The following DTNB variants were observed in gnomAD, a reference collection of about 807,000 sequenced individuals.
DTNB encodes dystrobrevin beta, also known as DTN-B.
Under a neutral mutation model 90.7 loss-of-function variants are expected in DTNB, and 63 were observed. The ratio of observed to expected loss-of-function variants is 0.69; its 90% confidence interval spans 0.57 to 0.86. The LOEUF (loss-of-function observed/expected upper bound fraction) is 0.86, where lower values mean the gene tolerates loss of function less well. Among genes scored for constraint, DTNB ranks in the 40% least tolerant of loss-of-function variants. The pLI, the probability that DTNB is intolerant of heterozygous loss-of-function variation, is 0.00. For missense variants in DTNB, 744 were observed against 807.1 expected (o/e 0.92, Z 0.95); for synonymous variants, 277 against 286.7 (o/e 0.97, Z 0.34).
chr2:25,388,863 T>A (rs2040303846), intron 16 of DTNB, among the ~76,000 whole-genome samples: 1 of 151,866 alleles, frequency 6.6e-6, no homozygotes, highest in African/African-American at 2.4e-5. Flanking sequence ...TATATCTTTT[T>A]TGGAGACAGA....
At position 25,424,771 on chromosome 2, in the gene DTNB, G is replaced by C. The variant is rs1027196001; in HGVS notation, c.1554+2764C>G. Among the ~76,000 whole-genome samples, 1 of 151,628 alleles carries C rather than the reference G, an allele frequency of 6.6e-6. No individual in the cohort carries two copies. The highest frequency in any genetic ancestry group is 1.5e-5 in the Non-Finnish European group (1 of 67,950). On this transcript the variant is annotated intron_variant, in intron 15 of 20. Coordinates refer to ENST00000406818, the MANE Select transcript of DTNB (RefSeq NM_021907.5). The surrounding 1 kb of genome is among the most constrained non-coding windows in gnomAD (Gnocchi z 4.1). Reference sequence around the variant, plus strand: ...CAGCCTCCACCTCCTGGGCTTAAGCGATCCTCCCACCTCAGCCTCCTGAGT... The same window carrying C: ...CAGCCTCCACCTCCTGGGCTTAAGCCATCCTCCCACCTCAGCCTCCTGAGT...
At chr2:25,631,003 C>G (rs996219515) in intron 3 of DTNB, among the ~76,000 whole-genome samples, 1 of 151,798 alleles carries the variant, frequency 6.6e-6, no homozygotes, top group Admixed American at 6.6e-5. Flanking sequence ...TCCACATAGG[C>G]AAATCCATTA....
At chr2:25,405,090 G>A (rs1365362232) in intron 16 of DTNB, among the ~76,000 whole-genome samples, 1 of 151,896 alleles carries the variant, frequency 6.6e-6, no homozygotes, top group African/African-American at 2.4e-5. Context: ...ACCATGCCTG[G>A]CTAATTACTG....
intron 5 of DTNB, among the ~76,000 whole-genome samples, chr2:25,604,865 C>A (rs1257570588): frequency 6.6e-6 from 1 of 152,124 alleles, no homozygotes; most frequent in Non-Finnish European, 1.5e-5. Flanking sequence ...GGATTACAGG[C>A]GGGAGCCACT....
At chr2:25,454,580 T>C (rs2059730737) in intron 11 of DTNB, among the ~76,000 whole-genome samples, 1 of 152,216 alleles carries the variant, frequency 6.6e-6, no homozygotes, top group African/African-American at 2.4e-5. Flanking sequence ...TCATCCTACT[T>C]GAAGAATGGT....
chr2:25,668,128 A>G (rs924823419), intron 1 of DTNB, among the ~76,000 whole-genome samples: 1 of 152,076 alleles, frequency 6.6e-6, no homozygotes, highest in Non-Finnish European at 1.5e-5. Context: ...AGTCCCAGCT[A>G]CTCGGGAGGC....
intron 10 of DTNB, among the ~76,000 whole-genome samples, chr2:25,476,047 C>T (rs1482465604): frequency 2.6e-5 from 4 of 151,124 alleles, no homozygotes; most frequent in Non-Finnish European, 5.9e-5. Context: ...CATCCTGCAG[C>T]CCCTGGATCA....
chr2:25,652,561 T>C (rs1574060932), intron 2 of DTNB, 33 bp downstream of exon 2: 3 of 1,525,494 alleles, frequency 2.0e-6, no homozygotes, highest in Non-Finnish European at 2.7e-6. Context: ...ACACAAACAT[T>C]CCCGCACATA....
chr2:25,429,068 G>T (rs111793763), intron 14 of DTNB, among the ~76,000 whole-genome samples: 1,629 of 152,218 alleles, frequency 0.011, 40 homozygotes, highest in African/African-American at 0.037. Context: ...CGCTAGCCAC[G>T]CGTGACTACC....
At chr2:25,582,908 C>T (rs531919509) in intron 6 of DTNB, among the ~76,000 whole-genome samples, 5 of 152,034 alleles carry the variant, frequency 3.3e-5, no homozygotes, top group South Asian at 2.1e-4. Flanking sequence ...ATGGAAAATG[C>T]CTCTATGGAC....
intron 4 of DTNB, among the ~76,000 whole-genome samples, chr2:25,611,444 C>T (rs2068592553): frequency 1.3e-5 from 2 of 152,198 alleles, no homozygotes; most frequent in Admixed American, 1.3e-4. Flanking sequence ...CCTCAGTATT[C>T]ATGGGCAATT....
chr2:25,585,550 GGA>G (rs1217502352), intron 6 of DTNB, among the ~76,000 whole-genome samples: 1 of 151,938 alleles, frequency 6.6e-6, no homozygotes, highest in Non-Finnish European at 1.5e-5. Flanking sequence ...AAAGGGGAGA[GGA>G]GTAACCCCTT....
chr2:25,578,759 A>G lies in DTNB; in HGVS notation c.710-1755T>C, dbSNP rs548686683. ...CTTAGTTACCTTGTTATATACCTAC[A>G]CTTGGATTAGTAAATCAATTTAAAA... On this transcript the variant is annotated intron_variant, in intron 7 of 20. Coordinates refer to ENST00000406818, the MANE Select transcript of DTNB (RefSeq NM_021907.5). 1.7e-4 allele frequency among the ~76,000 whole-genome samples: 26 copies of G among 152,308 alleles called. No homozygotes were observed. In the South Asian group the frequency reaches 5.0e-3, roughly 29 times the overall value.
chr2:25,646,684 T>G (rs1229227169), intron 2 of DTNB, among the ~76,000 whole-genome samples: 1 of 152,176 alleles, frequency 6.6e-6, no homozygotes, highest in Non-Finnish European at 1.5e-5. Flanking sequence ...GCCCCCCACC[T>G]CATCCCTTCA....
At chr2:25,458,326 C>A (rs1046382872) in intron 10 of DTNB, among the ~76,000 whole-genome samples, 2 of 151,084 alleles carry the variant, frequency 1.3e-5, no homozygotes, top group East Asian at 3.9e-4. Flanking sequence ...CCTTAAAGAG[C>A]GTGTTTATGT....
intron 10 of DTNB, among the ~76,000 whole-genome samples, chr2:25,478,186 TGA>T (rs1196119376): frequency 3.3e-5 from 5 of 152,172 alleles, no homozygotes; most frequent in East Asian, 1.9e-4. Flanking sequence ...ACTGTGTGTG[TGA>T]GTGTTTAAAA....
At chr2:25,537,470 G>A (rs1397720952) in intron 8 of DTNB, among the ~76,000 whole-genome samples, 2 of 151,984 alleles carry the variant, frequency 1.3e-5, no homozygotes, top group African/African-American at 4.8e-5. Context: ...AGGGCAGCTT[G>A]GTATGTATGG....
intron 4 of DTNB, among the ~76,000 whole-genome samples, chr2:25,619,285 T>TA (rs1425280284): frequency 7.9e-5 from 12 of 152,140 alleles, no homozygotes; most frequent in Non-Finnish European, 4.4e-5. Context: ...CTATTACCAG[T>TA]CCGATTATCA....
intron 6 of DTNB, among the ~76,000 whole-genome samples, chr2:25,592,381 G>C (rs1323285814): frequency 1.3e-5 from 2 of 152,018 alleles, no homozygotes; most frequent in East Asian, 3.9e-4. Flanking sequence ...AACCACCAGG[G>C]CTTCTTGCAG....
Sources: gnomAD v4.1 joint callset for allele counts (sites outside exome capture counted in the v4.1 genomes callset) on GRCh38, gnomAD v4.1.1 for gene constraint, Gnocchi (gnomAD v3.1) non-coding constraint, MANE v1.5 for transcripts, NCBI Gene and HGNC (gene_info 2026-07-23, HGNC 2026-07-21) for gene names.